LMX1A: variants seen among roughly 807,000 people sequenced by gnomAD.
The protein encoded by LMX1A is LIM homeobox transcription factor 1-alpha.
Under a neutral mutation model 49.1 loss-of-function variants are expected in LMX1A, and 15 were observed. The observed-to-expected ratio is 0.31, with a 90% CI of 0.20 to 0.47. The LOEUF (loss-of-function observed/expected upper bound fraction) is 0.47, where lower values mean the gene tolerates loss of function less well. LMX1A is among the 20% of genes least tolerant of loss of function. LMX1A has a pLI of 1.00. For missense variants in LMX1A, 372 were observed against 475.8 expected (o/e 0.78, Z 2.03); for synonymous variants, 167 against 185.7 (o/e 0.90, Z 0.82).
At chr1:165,353,301 G>T in intron 2 of LMX1A, 39 bp from the exon 3 acceptor site, 1 of 1,576,732 alleles carries the variant, frequency 6.3e-7, no homozygotes, top group Non-Finnish European at 8.6e-7. Flanking sequence ...AGCAGCCCGG[G>T]CAGGTAGACC....
intron 4 of LMX1A, among the ~76,000 whole-genome samples, chr1:165,237,798 G>C (rs1381755640): frequency 6.6e-6 from 1 of 152,144 alleles, no homozygotes; most frequent in Non-Finnish European, 1.5e-5. Context: ...AATATTGAAG[G>C]TGATTCTTCC....
Position 165,249,391 on chromosome 1 carries a change from C to T in LMX1A, c.496+17G>A, listed in dbSNP as rs745400940. The T allele has an allele frequency of 1.3e-6, 2 of 1,592,812 alleles. No homozygotes were observed. Among genetic ancestry groups the T allele is most frequent in the South Asian group, 2.2e-5 (2 of 90,700 alleles). On this transcript the variant is annotated intron_variant, in intron 4 of 8. Transcript: ENST00000342310. ...CTACCCACCCCACCGCAGCCCTGCC[C>T]ACCACCTGGCACTCACCTGAGTCTG...
intron 4 of LMX1A, among the ~76,000 whole-genome samples, chr1:165,241,801 G>T (rs567777014): frequency 6.6e-6 from 1 of 152,030 alleles, no homozygotes; most frequent in Non-Finnish European, 1.5e-5. Flanking sequence ...CTTTTGTAAC[G>T]AATTGAAAAA....
chr1:165,338,725 T>C (rs1017899381), intron 3 of LMX1A, among the ~76,000 whole-genome samples: 1 of 152,226 alleles, frequency 6.6e-6, no homozygotes, highest in African/African-American at 2.4e-5. Flanking sequence ...TGATATCAAA[T>C]AACCTGTCAC....
chr1:165,296,291 A>G (rs1654612271), intron 3 of LMX1A, among the ~76,000 whole-genome samples: 1 of 152,262 alleles, frequency 6.6e-6, no homozygotes, highest in African/African-American at 2.4e-5. Flanking sequence ...TAATCCATTG[A>G]GGAAAAGCGA....
chr1:165,334,245 C>A (rs1655836108), intron 3 of LMX1A, among the ~76,000 whole-genome samples: 1 of 152,130 alleles, frequency 6.6e-6, no homozygotes, highest in Non-Finnish European at 1.5e-5. Context: ...GATCAACTAA[C>A]CAGCCTGCAA....
intron 3 of LMX1A, among the ~76,000 whole-genome samples, chr1:165,336,990 G>T (rs1349539699): frequency 6.6e-5 from 10 of 152,162 alleles, no homozygotes; most frequent in African/African-American, 2.4e-4. Flanking sequence ...TATTAAATAG[G>T]TGGTCAGAGT....
rs541966563 is a variant in LMX1A, at chr1:165,309,164, A to C, written c.263+43912T>G. 5.3e-5 allele frequency among the ~76,000 whole-genome samples: 8 copies of C among 151,870 alleles called. No homozygotes were observed. The South Asian group carries it at 1.7e-3, about 32-fold the overall frequency. ...CCGAGATACCCTGACAGAGTGAATG[A>C]TGCTGAGGGCTCGCTCCTGGATGCT... On this transcript the variant is annotated intron_variant, in intron 3 of 8. Coordinates refer to ENST00000342310, the MANE Select transcript of LMX1A (RefSeq NM_177398.4).
chr1:165,298,690 C>T (rs1437162804), intron 3 of LMX1A, among the ~76,000 whole-genome samples: 1 of 152,148 alleles, frequency 6.6e-6, no homozygotes, highest in Admixed American at 6.5e-5. Flanking sequence ...GTGTAACTTC[C>T]CCATAAAAGG....
chr1:165,254,862 C>T (rs1653183237), intron 3 of LMX1A, among the ~76,000 whole-genome samples: 1 of 152,196 alleles, frequency 6.6e-6, no homozygotes, highest in Admixed American at 6.5e-5. Context: ...CATAACACCA[C>T]CCAACTTTCC....
At chr1:165,241,395 G>A (rs1451920988) in intron 4 of LMX1A, among the ~76,000 whole-genome samples, 1 of 152,166 alleles carries the variant, frequency 6.6e-6, no homozygotes, top group Non-Finnish European at 1.5e-5. Context: ...TCATTTATTG[G>A]ACATTGATCA....
Position 165,205,859 on chromosome 1 carries a change from CTTACCA to C in LMX1A, c.987_988+4del. The C allele has an allele frequency of 6.2e-7, 1 of 1,613,722 alleles. No homozygotes were observed. The highest frequency in any genetic ancestry group is 8.5e-7 in the Non-Finnish European group (1 of 1,179,886). The stretch of plus-strand genomic sequence containing the variant: ...GAGGGCCCGAGGGGCTTAAGTCCCT[CTTACCA>C]TAAGGGTGCATGTGGTCTCCAGGCA... On this transcript the variant is annotated splice_donor_variant and splice_donor_region_variant and coding_sequence_variant and intron_variant, in exon 8 of 9. Transcript: ENST00000342310. LOFTEE classifies it high-confidence loss of function.
chr1:165,228,726 C>T (rs1051477131), intron 4 of LMX1A, among the ~76,000 whole-genome samples: 1 of 152,118 alleles, frequency 6.6e-6, no homozygotes, highest in Non-Finnish European at 1.5e-5. Context: ...AACATTCACC[C>T]CAGGATTTAG....
chr1:165,285,196 CAT>C (rs1325337950), intron 3 of LMX1A, among the ~76,000 whole-genome samples: 2 of 152,198 alleles, frequency 1.3e-5, no homozygotes, highest in African/African-American at 4.8e-5. Flanking sequence ...ACCTCTGCTT[CAT>C]AGTTTTGGCC....
intron 7 of LMX1A, among the ~76,000 whole-genome samples, chr1:165,206,752 A>T (rs1651098637): frequency 6.6e-6 from 1 of 152,104 alleles, no homozygotes; most frequent in Non-Finnish European, 1.5e-5. Flanking sequence ...CCACATAAAG[A>T]GCCTTAGGGG....
At chr1:165,208,195 G>A (rs552536094) in intron 6 of LMX1A, 63 bp from the exon 7 acceptor site, 16 of 1,493,564 alleles carry the variant, frequency 1.1e-5, no homozygotes, top group Admixed American at 8.5e-5. Flanking sequence ...ACAAAGTAAG[G>A]GGGGGCCTGG....
At chr1:165,289,407 A>T (rs948894499) in intron 3 of LMX1A, among the ~76,000 whole-genome samples, 1 of 152,216 alleles carries the variant, frequency 6.6e-6, no homozygotes, top group African/African-American at 2.4e-5. Flanking sequence ...CCCAAGAGTC[A>T]GATGTAAAAT....
chr1:165,312,792 A>T (rs73017256), intron 3 of LMX1A, among the ~76,000 whole-genome samples: 27 of 152,286 alleles, frequency 1.8e-4, no homozygotes, highest in African/African-American at 6.5e-4. Flanking sequence ...ACAACAAACC[A>T]TCCTTGCTGA....
chr1:165,273,110 G>A (rs1653856931), intron 3 of LMX1A, among the ~76,000 whole-genome samples: 2 of 152,230 alleles, frequency 1.3e-5, no homozygotes, highest in Non-Finnish European at 2.9e-5. Context: ...GAGCACTACT[G>A]AGGATGTCTC....
Sources: allele counts gnomAD v4.1 joint callset (sites outside exome capture counted in the v4.1 genomes callset), GRCh38; gene constraint gnomAD v4.1.1; transcripts MANE v1.5; gene names NCBI Gene and HGNC (gene_info 2026-07-23, HGNC 2026-07-21).